The following FNDC3B variants were observed in gnomAD, a reference collection of about 807,000 sequenced individuals.
FNDC3B encodes fibronectin type III domain-containing protein 3B.
A neutral mutation model predicts 151.5 loss-of-function variants in FNDC3B; 12 were observed. The ratio of observed to expected loss-of-function variants is 0.08; its 90% CI spans 0.05 to 0.13. The LOEUF (loss-of-function observed/expected upper bound fraction) is 0.13, where lower values mean the gene tolerates loss of function less well. Ranked by LOEUF, FNDC3B falls within the 10% of genes least tolerant of loss-of-function variation. The probability of loss-of-function intolerance (pLI) is 1.00; values close to 1 mark genes in which losing one functional copy is unlikely to be tolerated. For missense variants in FNDC3B, 1,214 were observed against 1,505.3 expected (o/e 0.81, Z 3.20); for synonymous variants, 528 against 549.0 (o/e 0.96, Z 0.54).
At chr3:172,284,657 C>A (rs1373849196) in intron 6 of FNDC3B, among the ~76,000 whole-genome samples, 2 of 150,340 alleles carry the variant, frequency 1.3e-5, no homozygotes, top group Admixed American at 6.7e-5. Flanking sequence ...TCCACATCCC[C>A]CTTCCCCTCC....
intron 3 of FNDC3B, among the ~76,000 whole-genome samples, chr3:172,166,401 G>A (rs1723006567): frequency 6.7e-6 from 1 of 148,676 alleles, no homozygotes; most frequent in South Asian, 2.1e-4. Context: ...GGTGTGTAGA[G>A]CGGTTTGACC....
At chr3:172,184,367 G>A (rs554513722) in intron 3 of FNDC3B, 62 of 152,208 alleles carry the variant, frequency 4.1e-4, no homozygotes, top group African/African-American at 1.4e-3. Context: ...AGGTGATGGC[G>A]ATCAAGAAAA....
chr3:172,178,772 G>C (rs912302039), intron 3 of FNDC3B, among the ~76,000 whole-genome samples: 2 of 152,192 alleles, frequency 1.3e-5, no homozygotes, highest in Non-Finnish European at 2.9e-5. Flanking sequence ...TTCATAGATA[G>C]GGAAAATTGA....
intron 2 of FNDC3B, among the ~76,000 whole-genome samples, chr3:172,117,070 T>C (rs1720296126): frequency 6.6e-6 from 1 of 152,242 alleles, no homozygotes; most frequent in African/African-American, 2.4e-5. Flanking sequence ...TGTTTTTTAT[T>C]TCTCTTGTAT....
chr3:172,289,240 C>A (rs993315425), intron 7 of FNDC3B, among the ~76,000 whole-genome samples: 1 of 152,110 alleles, frequency 6.6e-6, no homozygotes, highest in African/African-American at 2.4e-5. Flanking sequence ...AAGTCAGCAG[C>A]CATATTCCCC....
chr3:172,315,543 G>T (rs768997662), intron 11 of FNDC3B, among the ~76,000 whole-genome samples: 107 of 152,294 alleles, frequency 7.0e-4, no homozygotes, highest in South Asian at 1.2e-3. Flanking sequence ...GAGCCATGGG[G>T]TTTAATAACT....
intron 1 of FNDC3B, among the ~76,000 whole-genome samples, chr3:172,057,534 G>C (rs562096475): frequency 1.3e-5 from 2 of 152,096 alleles, no homozygotes; most frequent in Non-Finnish European, 2.9e-5. Context: ...AAAGGGGTTG[G>C]GGGGAAGAAC....
chr3:172,309,985 C>G (rs188724433), intron 10 of FNDC3B, among the ~76,000 whole-genome samples: 93 of 152,272 alleles, frequency 6.1e-4, no homozygotes, highest in Admixed American at 6.1e-3. Context: ...CTTGCTCTTT[C>G]CTAGGGAAGA....
Position 172,263,586 on chromosome 3 carries a change from GTTTTTTT to G in FNDC3B, c.790+12064_790+12070del, listed in dbSNP as rs35762662. On this transcript the variant is annotated intron_variant, in intron 6 of 25. Transcript: ENST00000415807. ...TGCCTTAATTATTCAGCTATCAAGT[GTTTTTTT>G]TTTTTTTTTTTTTTTTTTGACACAC... Among the ~76,000 whole-genome samples the G allele has an allele frequency of 4.0e-4, 41 of 102,202 alleles. 1 individual carries two copies. Among genetic ancestry groups the G allele is most frequent in the African/African-American group, 1.6e-3 (39 of 24,812 alleles). The allele number at this position is 102,202 out of a possible 152,430, so 67.0% of individuals were successfully genotyped here. A position where few individuals can be genotyped will look rare whatever the true frequency, so the allele number is the denominator to read the frequency against.
Position 172,321,634 on chromosome 3 carries a change from G to A in FNDC3B, c.1255-7318G>A, listed in dbSNP as rs371473870. ...CGGCTCACTACAGCGTCTGCCTCCC[G>A]GGTGCAAGCAATTCTCCTGCCTCAG... is the stretch of plus-strand genomic sequence containing the variant. On this transcript the variant is annotated intron_variant, in intron 11 of 25. Coordinates refer to ENST00000415807, the MANE Select transcript of FNDC3B (RefSeq NM_022763.4). 1.8e-4 allele frequency: 34 copies of A among 188,920 alleles called. 1 individual carries two copies. In the East Asian group the frequency reaches 3.7e-3, roughly 20 times the overall value. The allele number at this position is 188,920 out of a possible 1,614,324, so 11.7% of individuals were successfully genotyped here. A position where few individuals can be genotyped will look rare whatever the true frequency, so the allele number is the denominator to read the frequency against.
At chr3:172,096,178 T>G (rs1399249354) in intron 1 of FNDC3B, among the ~76,000 whole-genome samples, 1 of 152,196 alleles carries the variant, frequency 6.6e-6, no homozygotes, top group Non-Finnish European at 1.5e-5. Flanking sequence ...ACATTCATTC[T>G]GATTATTGGT....
intron 6 of FNDC3B, among the ~76,000 whole-genome samples, chr3:172,254,973 T>C (rs1347593730): frequency 6.6e-6 from 1 of 152,244 alleles, no homozygotes; most frequent in Non-Finnish European, 1.5e-5. Flanking sequence ...GCTTTAGTTC[T>C]TAACACTTTA....
At position 172,247,549 on chromosome 3, in the gene FNDC3B, C is replaced by G; in HGVS notation, c.281C>G (p.Thr94Ser). 1 of 1,614,044 alleles carries G rather than the reference C, an allele frequency of 6.2e-7. No homozygotes were observed. The highest frequency in any genetic ancestry group is 8.5e-7 in the Non-Finnish European group (1 of 1,179,938). Residue 94 changes from threonine to serine, a missense_variant, in exon 5 of 26, where the codon ACT (threonine) becomes AGT (serine). This residue lies in a region of FNDC3B where 113 missense variants were observed against 177.8 expected (regional missense o/e 0.64). Transcript: ENST00000415807. ...GYISQVIEDS[T>S]GVRRVVVTPQ... is the part of the protein sequence containing the mutation. ...TTTCTTTAGGTGATTGAAGATAGTA[C>G]TGGAGTCCGCCGGGTGGTGGTCACA...
intron 3 of FNDC3B, among the ~76,000 whole-genome samples, chr3:172,174,867 A>AATTATTC (rs971301067): frequency 1.4e-5 from 2 of 145,926 alleles, no homozygotes; most frequent in African/African-American, 5.0e-5. Context: ...GTTAATTCCC[A>AATTATTC]ATTATTCATA....
intron 4 of FNDC3B, among the ~76,000 whole-genome samples, chr3:172,237,812 ACTT>A (rs1029101321): frequency 1.3e-5 from 2 of 152,138 alleles, no homozygotes; most frequent in African/African-American, 2.4e-5. Context: ...TTTTCAAGGA[ACTT>A]CTTCTTTTTC....
chr3:172,206,296 G>A (rs1032348992), intron 3 of FNDC3B, among the ~76,000 whole-genome samples: 1 of 152,160 alleles, frequency 6.6e-6, no homozygotes, highest in African/African-American at 2.4e-5. Flanking sequence ...CTAGAGGATT[G>A]GACCTAAAAT....
intron 1 of FNDC3B, among the ~76,000 whole-genome samples, chr3:172,097,138 GTT>G (rs1719130198): frequency 6.6e-6 from 1 of 152,200 alleles, no homozygotes; most frequent in African/African-American, 2.4e-5. Context: ...CACCCAGAAA[GTT>G]TGATTTATTT....
At chr3:172,052,333 G>T (rs1286846468) in intron 1 of FNDC3B, among the ~76,000 whole-genome samples, 1 of 151,740 alleles carries the variant, frequency 6.6e-6, no homozygotes, top group Non-Finnish European at 1.5e-5. Context: ...CCACCTTGGC[G>T]TCCCTAAGTG....
chr3:172,296,330 C>T (rs1467239980), intron 8 of FNDC3B, among the ~76,000 whole-genome samples: 2 of 152,180 alleles, frequency 1.3e-5, no homozygotes, highest in East Asian at 3.9e-4. Context: ...GCATCAGTGC[C>T]ACAGATGCGT....
Sources: gnomAD v4.1 joint callset for allele counts (sites outside exome capture counted in the v4.1 genomes callset) on GRCh38, gnomAD v4.1.1 for gene constraint, gnomAD v4.1.1 regional missense constraint, MANE v1.5 for transcripts, NCBI Gene and HGNC (gene_info 2026-07-23, HGNC 2026-07-21) for gene names.